ZNF280D: variants seen among roughly 807,000 people sequenced by gnomAD.
The protein encoded by ZNF280D is zinc finger protein 280D, also known as suppressor of hairy wing homolog 4.
Under a neutral mutation model 94.7 loss-of-function variants are expected in ZNF280D, and 39 were observed. The observed-to-expected ratio is 0.41, with a 90% CI of 0.32 to 0.54. ZNF280D has a LOEUF of 0.54. ZNF280D is among the 20% of genes least tolerant of loss of function. The probability of loss-of-function intolerance (pLI) is 0.22; values close to 1 mark genes in which losing one functional copy is unlikely to be tolerated. For missense variants in ZNF280D, 1,090 were observed against 1,149.3 expected, an observed-to-expected ratio of 0.95 and a Z score of 0.75; for synonymous variants, 398 against 377.6, an observed-to-expected ratio of 1.05 and a Z score of -0.63.
At chr15:56,668,735 T>C in intron 14 of ZNF280D, 88 bp downstream of exon 14, 2 of 1,255,790 alleles carry the variant, frequency 1.6e-6, no homozygotes, top group East Asian at 2.8e-5. Flanking sequence ...TCTGAAGTCA[T>C]TTAAAAATAC....
chr15:56,634,223 T>C (rs2052235059), intron 21 of ZNF280D: 1 of 152,174 alleles, frequency 6.6e-6, no homozygotes, highest in African/African-American at 2.4e-5. Context: ...TAATCAATAC[T>C]CTCATTAATT....
chr15:56,722,308 C>T (rs948402563), intron 1 of ZNF280D, among the ~76,000 whole-genome samples: 9 of 152,140 alleles, frequency 5.9e-5, no homozygotes, highest in Admixed American at 2.0e-4. Flanking sequence ...GAAGTGCTCA[C>T]GCTGTTGGAA....
At chr15:56,636,606 CCT>C (rs553803523) in intron 20 of ZNF280D, among the ~76,000 whole-genome samples, 80 of 151,876 alleles carry the variant, frequency 5.3e-4, no homozygotes, top group African/African-American at 1.9e-3. Flanking sequence ...GTCTCAGCCC[CCT>C]GAGTAGCTGG....
At chr15:56,674,440 T>G (rs1177938375) in intron 13 of ZNF280D, among the ~76,000 whole-genome samples, 4 of 152,110 alleles carry the variant, frequency 2.6e-5, no homozygotes, top group Non-Finnish European at 5.9e-5. Context: ...GTATACTATA[T>G]TGTTTGGGAG....
intron 1 of ZNF280D, among the ~76,000 whole-genome samples, chr15:56,710,608 A>C (rs954658365): frequency 1.1e-4 from 17 of 152,134 alleles, no homozygotes; most frequent in African/African-American, 4.1e-4. Flanking sequence ...CCTATTTTAT[A>C]AATTTTTGGT....
At chr15:56,666,104 C>T (rs1389403210) in intron 16 of ZNF280D, among the ~76,000 whole-genome samples, 4 of 152,150 alleles carry the variant, frequency 2.6e-5, no homozygotes, top group African/African-American at 7.2e-5. Flanking sequence ...GCACTCCAGC[C>T]TGGGCAACAG....
intron 16 of ZNF280D, among the ~76,000 whole-genome samples, chr15:56,659,895 G>A (rs12442189): frequency 0.5 from 75,089 of 150,120 alleles, 19,846 homozygotes; most frequent in African/African-American, 0.68. Context: ...TATGTATAGG[G>A]AAAAAAAGGA....
rs1320789838 is a variant in ZNF280D at position 56,682,455 on chromosome 15, T to C, written c.803A>G (p.Asn268Ser). The change falls in exon 10 of 22, where the codon AAT becomes AGT. Residue 268 changes from asparagine to serine, a missense_variant. Physicochemically the swap from Asn to Ser is conservative, Grantham distance 46. Around this residue, in one of 3 missense-constraint regions of ZNF280D, gnomAD observed 386 missense variants for 372.0 expected, o/e 1.04. Coordinates refer to ENST00000267807, the MANE Select transcript of ZNF280D (RefSeq NM_017661.4). ...HMKYCCPDMI[N>S]NFLGLAKTEF... The stretch of plus-strand genomic sequence containing the variant: ...TGTTTTAGCCAGTCCCAAAAAGTTA[T>C]TTATCATGTCTGGACAACAATACTG... The C allele has an allele frequency of 6.4e-7, 1 of 1,553,964 alleles. No individual in the cohort carries two copies. Among genetic ancestry groups the C allele is most frequent in the Middle Eastern group, 1.7e-4 (1 of 5,916 alleles).
intron 14 of ZNF280D, 67 bp downstream of exon 14, chr15:56,668,756 T>A: frequency 7.2e-7 from 1 of 1,392,350 alleles, no homozygotes; most frequent in Non-Finnish European, 9.6e-7. Context: ...ATTCAATATA[T>A]AAAGCCGGGC....
chr15:56,728,491 G>A (rs1343514533), intron 1 of ZNF280D, among the ~76,000 whole-genome samples: 2 of 152,172 alleles, frequency 1.3e-5, no homozygotes, highest in Non-Finnish European at 2.9e-5. Context: ...GAAGATGGCC[G>A]TCCTGTCTTC....
intron 3 of ZNF280D, among the ~76,000 whole-genome samples, chr15:56,704,908 A>T (rs1235254527): frequency 6.6e-6 from 1 of 152,060 alleles, no homozygotes; most frequent in Non-Finnish European, 1.5e-5. Context: ...GCTTGAATCT[A>T]GGAGGTGGAG....
intron 1 of ZNF280D, among the ~76,000 whole-genome samples, chr15:56,718,838 T>C (rs773066246): frequency 7.9e-5 from 12 of 152,184 alleles, no homozygotes; most frequent in Non-Finnish European, 1.3e-4. Context: ...ACCCTCCCAA[T>C]AGCCAAATCA....
rs2057465757 is a variant in ZNF280D at position 56,707,277 on chromosome 15, C to G, written c.-56G>C. On this transcript the variant is annotated 5_prime_UTR_variant, in exon 2 of 22. Transcript: ENST00000267807. Reference sequence around the variant, plus strand: ...TCTAAACTCACCATGTGACTCCAGACAAGCCAGCAAGTTATTTCTGTTTTC... The same window carrying G: ...TCTAAACTCACCATGTGACTCCAGAGAAGCCAGCAAGTTATTTCTGTTTTC... 6.5e-7 allele frequency: 1 copy of G among 1,536,892 alleles called. No homozygotes were observed. Among genetic ancestry groups the G allele is most frequent in the Non-Finnish European group, 8.7e-7 (1 of 1,145,090 alleles).
chr15:56,631,492 C>G lies in ZNF280D; in HGVS notation c.*6G>C, dbSNP rs767574669. 1.9e-6 allele frequency: 3 copies of G among 1,609,402 alleles called. No individual in the cohort carries two copies. Among genetic ancestry groups the G allele is most frequent in the Admixed American group, 1.7e-5 (1 of 59,812 alleles). ...GTTGGTACACTGAAACTTAAAATGA[C>G]TAATTTCAACTTCTTTCTTTTTCGT... On this transcript the variant is annotated 3_prime_UTR_variant, in exon 22 of 22. Transcript: ENST00000267807.
chr15:56,684,742 A>G (rs1348237979), intron 9 of ZNF280D, among the ~76,000 whole-genome samples: 6 of 151,606 alleles, frequency 4.0e-5, no homozygotes, highest in African/African-American at 9.7e-5. Flanking sequence ...TAAGGATTAG[A>G]AAAAAAAAGA....
intron 1 of ZNF280D, among the ~76,000 whole-genome samples, chr15:56,728,888 C>T (rs1368493456): frequency 6.6e-6 from 1 of 152,100 alleles, no homozygotes; most frequent in Admixed American, 6.5e-5. Context: ...CAACTGTAGA[C>T]TAATATAAAT....
intron 1 of ZNF280D, among the ~76,000 whole-genome samples, chr15:56,712,992 G>C (rs999040521): frequency 1.2e-4 from 18 of 151,998 alleles, no homozygotes; most frequent in Admixed American, 6.6e-4. Flanking sequence ...TGCCCGCCTT[G>C]GCCTCCCAAA....
chr15:56,731,690 C>T (rs2058898997), intron 1 of ZNF280D, among the ~76,000 whole-genome samples: 1 of 152,016 alleles, frequency 6.6e-6, no homozygotes, highest in Non-Finnish European at 1.5e-5. Context: ...ACACATACAG[C>T]ATTTAGGGCT....
intron 9 of ZNF280D, among the ~76,000 whole-genome samples, chr15:56,684,865 G>A (rs911703825): frequency 1.3e-5 from 2 of 152,246 alleles, no homozygotes; most frequent in Middle Eastern, 3.4e-3. Context: ...TATACAGGTT[G>A]AAAGAACAAG....
Sources: gnomAD v4.1 joint callset for allele counts (sites outside exome capture counted in the v4.1 genomes callset) on GRCh38, gnomAD v4.1.1 for gene constraint, gnomAD v4.1.1 regional missense constraint, MANE v1.5 for transcripts, NCBI Gene and HGNC (gene_info 2026-07-23, HGNC 2026-07-21) for gene names.